Variants in TAC4 observed in about 807,000 individuals in gnomAD.
TAC4 encodes the protein tachykinin-4.
Under a neutral mutation model 17.7 loss-of-function variants are expected in TAC4, and 17 were observed. The ratio of observed to expected loss-of-function variants is 0.96; its 90% confidence interval spans 0.66 to 1.44. TAC4 has a LOEUF of 1.44. Ranked by LOEUF, TAC4 falls within the 40% of genes most tolerant of loss-of-function variation. TAC4 has a pLI of 0.00. For missense variants in TAC4, 118 were observed against 125.6 expected, an observed-to-expected ratio of 0.94 and a Z score of 0.29; for synonymous variants, 62 against 52.4, an observed-to-expected ratio of 1.18 and a Z score of -0.79.
In TAC4 at chr17:49,838,407, G is replaced by T. The variant is rs1286645341; in HGVS notation, c.*235C>A. The stretch of plus-strand genomic sequence containing the variant: ...GTGAGATGCCAACTCTGAGTGTGAG[G>T]GAGGGCAGAGTCAGTGCAGCTTGCT... On this transcript the variant is annotated 3_prime_UTR_variant, in exon 5 of 5. Coordinates refer to ENST00000436235, the MANE Select transcript of TAC4 (RefSeq NM_001077506.2). 2 of 601,218 alleles carry T rather than the reference G, an allele frequency of 3.3e-6. No individual in the cohort carries two copies. Among genetic ancestry groups the T allele is most frequent in the Non-Finnish European group, 5.9e-6 (2 of 339,056 alleles). The allele number at this position is 601,218 out of a possible 1,614,324, so 37.2% of individuals were successfully genotyped here.
At position 49,839,729 on chromosome 17, in the gene TAC4, C is replaced by A. The variant is rs1308829652; in HGVS notation, c.292+121G>T. ...TCGACTGCCTCCCCTGGGGGCCTCCCCATGATGGCTTGTGGGGAGCCTGTC... is the reference window on the plus strand; with the variant it reads ...TCGACTGCCTCCCCTGGGGGCCTCCACATGATGGCTTGTGGGGAGCCTGTC... On this transcript the variant is annotated intron_variant, in intron 4 of 4. Coordinates refer to ENST00000436235, the MANE Select transcript of TAC4 (RefSeq NM_001077506.2). 5.0e-5 allele frequency: 46 copies of A among 914,746 alleles called. 3 individuals are homozygous for A. The South Asian group carries it at 5.8e-4, about 12-fold the overall frequency. The allele number at this position is 914,746 out of a possible 1,614,324, so 56.7% of individuals were successfully genotyped here.
At chr17:49,846,163 G>T in intron 1 of TAC4, 1 of 1,274,756 alleles carries the variant, frequency 7.8e-7, no homozygotes. Context: ...CCCCCAGCCG[G>T]AGCCCTCCAT....
At position 49,838,637 on chromosome 17, in the gene TAC4, G is replaced by T; in HGVS notation, c.*5C>A. 6.2e-7 allele frequency: 1 copy of T among 1,613,710 alleles called. No individual in the cohort carries two copies. Among genetic ancestry groups the T allele is most frequent in the Non-Finnish European group, 8.5e-7 (1 of 1,179,830 alleles). ...TGTCCTCTGGGAAGTCTGTGGTGGG[G>T]GCTTTTACTCTGAACCTTGGGCCTC... On this transcript the variant is annotated 3_prime_UTR_variant, in exon 5 of 5. Transcript: ENST00000436235.
intron 1 of TAC4, chr17:49,847,328 T>G (rs1398118656): frequency 8.4e-7 from 1 of 1,183,686 alleles, no homozygotes; most frequent in South Asian, 1.4e-5. Context: ...CCAATCAGAT[T>G]GTCAGGCAGG....
chr17:49,846,045 C>A (rs1002022214), intron 1 of TAC4: 2 of 326,296 alleles, frequency 6.1e-6, no homozygotes, highest in African/African-American at 2.3e-5. Context: ...GAGAGAATGG[C>A]CACTTATGAA....
intron 3 of TAC4, among the ~76,000 whole-genome samples, chr17:49,840,917 C>T (rs1567873821): frequency 1.0e-5 from 1 of 98,988 alleles, no homozygotes; most frequent in African/African-American, 4.1e-5. Flanking sequence ...TTTTTTGAGA[C>T]AGAGTCTCCC....
rs1230844971 is a variant in TAC4 at position 49,847,670 on chromosome 17, T to TACACAC, written c.105+237_105+242dup. ...TACCGTGTGTTAAATAAGTATTTCT[T>TACACAC]ACACACACACACACACACACAGACA... On this transcript the variant is annotated intron_variant, in intron 1 of 4. Transcript: ENST00000436235. 4.5e-5 allele frequency: 19 copies of TACACAC among 426,126 alleles called. No individual in the cohort carries two copies. In the East Asian group the frequency reaches 4.8e-4, roughly 11 times the overall value. 26.4% of individuals were successfully genotyped at this position (426,126 alleles called of 1,614,324 possible).
In TAC4 at chr17:49,847,955, A is replaced by T. The variant is rs760654569; in HGVS notation, c.63T>A (p.Asp21Glu). 6.2e-7 allele frequency: 1 copy of T among 1,614,120 alleles called. No individual in the cohort carries two copies. Among genetic ancestry groups the T allele is most frequent in the Non-Finnish European group, 8.5e-7 (1 of 1,180,020 alleles). ...TGCTGAGTGTCTGTTCCTCTCCACC[A>T]TCACCTGCCACAGTGCACACGGACA... Reference protein sequence around the residue: ...MELSVCTVAGDGGEEQTLSTE... With the variant: ...MELSVCTVAGEGGEEQTLSTE... The change falls in exon 1 of 5, where the codon GAT becomes GAA. Residue 21 changes from aspartate (D) to glutamate (E), a missense_variant. Physicochemically the swap from Asp to Glu is conservative, Grantham distance 45. Transcript: ENST00000436235.
At chr17:49,842,214 A>G (rs546145776) in intron 2 of TAC4, among the ~76,000 whole-genome samples, 1 of 151,944 alleles carries the variant, frequency 6.6e-6, no homozygotes, top group Non-Finnish European at 1.5e-5. Flanking sequence ...CCCATCCTTC[A>G]TGAGTTGTTG....
chr17:49,841,035 A>G (rs1276302375), intron 3 of TAC4, among the ~76,000 whole-genome samples: 5 of 150,454 alleles, frequency 3.3e-5, no homozygotes, highest in Non-Finnish European at 5.9e-5. Flanking sequence ...ACCTGCCACT[A>G]CACCGGGCTA....
At chr17:49,847,202 C>T (rs2074548821) in intron 1 of TAC4, 1 of 1,290,204 alleles carries the variant, frequency 7.8e-7, no homozygotes, top group Non-Finnish European at 1.0e-6. Flanking sequence ...TCCTGTCTGC[C>T]CCCCTGGAAG....
At chr17:49,845,657 C>T (rs1025747236) in intron 1 of TAC4, among the ~76,000 whole-genome samples, 8 of 152,142 alleles carry the variant, frequency 5.3e-5, no homozygotes, top group African/African-American at 1.9e-4. Context: ...GAGCCGCCTG[C>T]CAGGAGCTGG....
chr17:49,844,750 T>C (rs1201024224), intron 1 of TAC4, among the ~76,000 whole-genome samples: 1 of 152,092 alleles, frequency 6.6e-6, no homozygotes, highest in Non-Finnish European at 1.5e-5. Context: ...AGAGCAAGAC[T>C]CCATTTCAAA....
intron 3 of TAC4, among the ~76,000 whole-genome samples, chr17:49,840,547 G>C (rs1250858887): frequency 6.6e-6 from 1 of 152,110 alleles, no homozygotes; most frequent in Non-Finnish European, 1.5e-5. Context: ...TTGTCGCCCA[G>C]CCTGGAATGC....
chr17:49,847,690 C>T (rs8064644), intron 1 of TAC4: 212 of 326,498 alleles, frequency 6.5e-4, no homozygotes, highest in African/African-American at 6.2e-3. Context: ...CACACACACA[C>T]AGACACACAC....
rs181467892 is a variant in TAC4, at chr17:49,838,347, G to T, written c.*295C>A. On this transcript the variant is annotated 3_prime_UTR_variant, in exon 5 of 5. Transcript: ENST00000436235. ...AGTGCCTACTGTGTGCTAGGCACAG[G>T]ATACAGAGTGTGCGAGTCTCCTCAC... 166 of 508,304 alleles carry T rather than the reference G, an allele frequency of 3.3e-4. 3 individuals are homozygous for T. The East Asian group carries it at 5.7e-3, about 17-fold the overall frequency. 31.5% of individuals were successfully genotyped at this position (508,304 alleles called of 1,614,324 possible).
intron 1 of TAC4, chr17:49,846,148 TC>T: frequency 8.1e-7 from 1 of 1,227,978 alleles, no homozygotes; most frequent in Non-Finnish European, 1.1e-6. Context: ...CCGACAGGAC[TC>T]CTGCCCCCAG....
At chr17:49,839,722 G>T (rs754262706) in intron 4 of TAC4, 128 bp downstream of exon 4, 7 of 817,504 alleles carry the variant, frequency 8.6e-6, no homozygotes, top group Non-Finnish European at 1.3e-5. Flanking sequence ...CTCCCCTGGG[G>T]GCCTCCCCAT....
rs778779495 is a variant in TAC4, at chr17:49,844,018, C to T, written c.199+46G>A. 10 of 1,572,718 alleles carry T rather than the reference C, an allele frequency of 6.4e-6. No individual in the cohort carries two copies. In the East Asian group the frequency reaches 2.2e-4, roughly 35 times the overall value. On this transcript the variant is annotated intron_variant, in intron 2 of 4. Coordinates refer to ENST00000436235, the MANE Select transcript of TAC4 (RefSeq NM_001077506.2). ...GGCCTCTGCTTTATGTTGCAGAACC[C>T]ACTCAGAACCCCTGCTTGCTGGGCT... is the stretch of plus-strand genomic sequence containing the variant.
Sources: allele counts gnomAD v4.1 joint callset (sites outside exome capture counted in the v4.1 genomes callset), GRCh38; gene constraint gnomAD v4.1.1; transcripts MANE v1.5; gene names NCBI Gene and HGNC (gene_info 2026-07-23, HGNC 2026-07-21).